The following GBP4 variants were observed in gnomAD, a reference collection of about 807,000 sequenced individuals.
GBP4 encodes the protein guanylate binding protein 4, also known as guanylate-binding protein 4.
Under a neutral mutation model 62.2 loss-of-function variants are expected in GBP4, and 69 were observed. The observed-to-expected ratio is 1.11, with a 90% CI of 0.91 to 1.36. The LOEUF is 1.36. GBP4 is among the 40% of genes most tolerant of loss of function. The probability of loss-of-function intolerance (pLI) is 0.00; values close to 1 mark genes in which losing one functional copy is unlikely to be tolerated. For synonymous variants in GBP4, 278 were observed against 274.6 expected, an observed-to-expected ratio of 1.01 and a Z score of -0.12; for missense variants, 697 against 759.3, an observed-to-expected ratio of 0.92 and a Z score of 0.96.
intron 7 of GBP4, 40 bp downstream of exon 7, chr1:89,189,998 C>T (rs75815237): frequency 0.034 from 52,688 of 1,563,922 alleles, 1,003 homozygotes; most frequent in Middle Eastern, 0.043. Context: ...TGCATCATTT[C>T]GGAAGGGCAG....
chr1:89,190,208 G>GCA lies in GBP4; in HGVS notation c.1025_1026dup (p.Gln343CysfsTer16). On this transcript the variant is annotated frameshift_variant, in exon 7 of 11. Transcript: ENST00000355754. LOFTEE classifies it high-confidence loss of function. ...TGGCTATAGTGGTCGGCTGCCCTCT[G>GCA]CACAGCCGCTGGGTTCTCAAGCTGG... The GCA allele has an allele frequency of 6.2e-7, 1 of 1,614,152 alleles. No individual in the cohort carries two copies. The highest frequency in any genetic ancestry group is 8.5e-7 in the Non-Finnish European group (1 of 1,180,014).
At chr1:89,193,990 T>G (rs375977855) in intron 3 of GBP4, among the ~76,000 whole-genome samples, 1 of 152,182 alleles carries the variant, frequency 6.6e-6, no homozygotes, top group Admixed American at 6.5e-5. Context: ...TAAATGTGAA[T>G]AGTTACTCTG....
Position 89,195,309 on chromosome 1 carries a change from G to T in GBP4, c.351C>A (p.Gly117=), listed in dbSNP as rs754435452. 2 of 1,613,580 alleles carry T rather than the reference G, an allele frequency of 1.2e-6. No homozygotes were observed. The highest frequency in any genetic ancestry group is 2.2e-5 in the East Asian group (1 of 44,852). ...TLVLLDTEGL[G]DVEKSNPKND... is the part of the protein sequence containing the mutation. ...TTCTCTGCCTTACCTTTTCTACATC[G>T]CCCAGGCCCTCGGTGTCCAGAAGGA... The change falls in exon 3 of 11, where the codon GGC becomes GGA. Residue 117 remains glycine, a synonymous_variant. Coordinates refer to ENST00000355754, the MANE Select transcript of GBP4 (RefSeq NM_052941.5).
Position 89,191,414 on chromosome 1 carries a change from T to C in GBP4, c.763A>G (p.Thr255Ala). 1.2e-6 allele frequency: 2 copies of C among 1,614,246 alleles called. No individual in the cohort carries two copies. Among genetic ancestry groups the C allele is most frequent in the East Asian group, 2.2e-5 (1 of 44,890 alleles). ...KRKCFVFDRP[T>A]NDKQYLNHMD... ...TGATTTAAATATTGCTTGTCATTTGTAGGCCGGTCAAAGACAAAGCACTTC... is the reference window on the plus strand; with the variant it reads ...TGATTTAAATATTGCTTGTCATTTGCAGGCCGGTCAAAGACAAAGCACTTC... The change falls in exon 6 of 11, where the codon ACA becomes GCA. Residue 255 changes from threonine (T) to alanine (A), a missense_variant. By Grantham distance (58) the Thr-to-Ala change is moderately conservative. Transcript: ENST00000355754.
intron 3 of GBP4, among the ~76,000 whole-genome samples, chr1:89,194,259 C>T (rs1265293591): frequency 6.6e-6 from 1 of 152,084 alleles, no homozygotes; most frequent in Non-Finnish European, 1.5e-5. Flanking sequence ...AGATTCATGG[C>T]AAGACATGAA....
intron 4 of GBP4, 66 bp from the exon 5 acceptor site, chr1:89,193,166 G>C (rs1648236142): frequency 4.5e-6 from 7 of 1,562,620 alleles, no homozygotes; most frequent in Non-Finnish European, 6.1e-6. Context: ...TTAGAAACAA[G>C]TTTTATACAC....
chr1:89,187,156 T>C (rs1267915917), intron 8 of GBP4, 54 bp from the exon 9 acceptor site: 3 of 1,399,004 alleles, frequency 2.1e-6, no homozygotes, highest in African/African-American at 1.4e-5. Flanking sequence ...TCTCATCTTA[T>C]GATGGCGAAA....
At chr1:89,186,777 G>T (rs1648049369) in intron 9 of GBP4, among the ~76,000 whole-genome samples, 1 of 152,234 alleles carries the variant, frequency 6.6e-6, no homozygotes, top group African/African-American at 2.4e-5. Context: ...GTGGGAGGAA[G>T]CTCCCTCCTC....
At chr1:89,189,600 C>G (rs571255607) in intron 7 of GBP4, among the ~76,000 whole-genome samples, 1 of 152,362 alleles carries the variant, frequency 6.6e-6, no homozygotes, top group Admixed American at 6.5e-5. Context: ...GTGGTTTTCT[C>G]TAGCTGGTGT....
rs1647967833 is a variant in GBP4, at chr1:89,184,218, G to A, written c.*1036C>T. The A allele has an allele frequency of 6.6e-6, 1 of 152,164 alleles. No individual in the cohort carries two copies. The highest frequency in any genetic ancestry group is 1.5e-5 in the Non-Finnish European group (1 of 68,026). 9.4% of individuals were successfully genotyped at this position (152,164 alleles called of 1,614,324 possible). A position where few individuals can be genotyped will look rare whatever the true frequency, so the allele number is the denominator to read the frequency against. On this transcript the variant is annotated 3_prime_UTR_variant, in exon 11 of 11. Coordinates refer to ENST00000355754, the MANE Select transcript of GBP4 (RefSeq NM_052941.5). ...TAACAGATGCTGGCAAGGTTGTGGAGAAAATGGAACACATACACTGTTGGT... is the reference window on the plus strand; with the variant it reads ...TAACAGATGCTGGCAAGGTTGTGGAAAAAATGGAACACATACACTGTTGGT...
At chr1:89,185,556 CAT>C (rs1383171458) in intron 10 of GBP4, 87 bp from the exon 11 acceptor site, 105 of 709,168 alleles carry the variant, frequency 1.5e-4, no homozygotes, top group Non-Finnish European at 1.9e-4. Flanking sequence ...AACGTTTAAG[CAT>C]ATGTGTCTAT....
At position 89,195,275 on chromosome 1, in the gene GBP4, C is replaced by T. The variant is rs201227571; in HGVS notation, c.363+22G>A. The T allele has an allele frequency of 9.9e-5, 159 of 1,611,872 alleles. No individual in the cohort carries two copies. In the East Asian group the frequency reaches 1.4e-3, roughly 14 times the overall value. On this transcript the variant is annotated intron_variant, in intron 3 of 10. Transcript: ENST00000355754. ...TAAAAGATGAGAGGTCAACCATGAG[C>T]GGTGAAGTTTCTCTGCCTTACCTTT...
chr1:89,186,616 A>G (rs1233147612), intron 9 of GBP4, 90 bp from the exon 10 acceptor site: 4 of 1,169,100 alleles, frequency 3.4e-6, no homozygotes, highest in Non-Finnish European at 4.8e-6. Flanking sequence ...ACTCGGAGAA[A>G]AGCACAAAGG....
chr1:89,191,167 A>G, intron 6 of GBP4, 94 bp downstream of exon 6: 2 of 1,405,722 alleles, frequency 1.4e-6, no homozygotes. Flanking sequence ...TCCTATACAG[A>G]AGCAAACAAT....
At chr1:89,186,302 T>G (rs780495812) in intron 10 of GBP4, 31 bp downstream of exon 10, 5 of 1,575,776 alleles carry the variant, frequency 3.2e-6, no homozygotes, top group Non-Finnish European at 4.4e-6. Context: ...GCATTGTCCC[T>G]CAGGCACTGC....
Position 89,181,960 on chromosome 1 carries a change from T to C in GBP4, c.*3294A>G, listed in dbSNP as rs1217230888. 4 of 152,118 alleles carry C rather than the reference T, an allele frequency of 2.6e-5. No homozygotes were observed. Among genetic ancestry groups the C allele is most frequent in the African/African-American group, 7.2e-5 (3 of 41,428 alleles). 9.4% of individuals were successfully genotyped at this position (152,118 alleles called of 1,614,324 possible). A position where few individuals can be genotyped will look rare whatever the true frequency, so the allele number is the denominator to read the frequency against. On this transcript the variant is annotated 3_prime_UTR_variant, in exon 11 of 11. Transcript: ENST00000355754. ...CAGCTAACCAAGGAAGCAAAAGATA[T>C]ATATAATGAGAATTACAAGATACCC... is the stretch of plus-strand genomic sequence containing the variant.
chr1:89,198,659 AG>A, intron 1 of GBP4, 135 bp downstream of exon 1: 1 of 772,660 alleles, frequency 1.3e-6, no homozygotes, highest in Non-Finnish European at 2.3e-6. Context: ...CTTCCCCGCG[AG>A]GTTCCTCCAC....
At chr1:89,185,736 G>A (rs1648017412) in intron 10 of GBP4, among the ~76,000 whole-genome samples, 1 of 152,166 alleles carries the variant, frequency 6.6e-6, no homozygotes, top group Non-Finnish European at 1.5e-5. Flanking sequence ...CCCTTCGAGA[G>A]GGAATGCAGG....
Position 89,186,389 on chromosome 1 carries a change from C to T in GBP4, c.1651G>A (p.Glu551Lys), listed in dbSNP as rs561037. Residue 551 changes from glutamate (E) to lysine (K), a missense_variant, in exon 10 of 11, where the codon GAG becomes AAG. Glu to Lys is a moderately conservative substitution (Grantham distance 56). Around this residue, in one of 2 missense-constraint regions of GBP4, gnomAD observed 141 missense variants for 196.6 expected, o/e 0.72. Coordinates refer to ENST00000355754, the MANE Select transcript of GBP4 (RefSeq NM_052941.5). ...TCTCTGAGAAGGTTTTCCCTTTCCTCCTCCAACTTCTTCTCCATTTGGGCC... is the reference window on the plus strand; with the variant it reads ...TCTCTGAGAAGGTTTTCCCTTTCCTTCTCCAACTTCTTCTCCATTTGGGCC... ...YMAQMEKKLE[E>K]ERENLLREHE... 612,674 of 1,338,014 alleles carry T rather than the reference C, an allele frequency of 0.46. 169,690 individuals are homozygous for T. The highest frequency in any genetic ancestry group is 0.48 in the Non-Finnish European group (456,502 of 942,038). 82.9% of individuals were successfully genotyped at this position (1,338,014 alleles called of 1,614,324 possible). A position where few individuals can be genotyped will look rare whatever the true frequency, so the allele number is the denominator to read the frequency against.
Sources: gnomAD v4.1 joint callset for allele counts (sites outside exome capture counted in the v4.1 genomes callset) on GRCh38, gnomAD v4.1.1 for gene constraint, gnomAD v4.1.1 regional missense constraint, MANE v1.5 for transcripts, NCBI Gene and HGNC (gene_info 2026-07-23, HGNC 2026-07-21) for gene names.